SRBD1: variants seen among roughly 807,000 people sequenced by gnomAD.
The protein encoded by SRBD1 is S1 RNA-binding domain-containing protein 1.
In SRBD1, 88 loss-of-function variants were observed where a neutral mutation model predicts 115.3. The ratio of observed to expected loss-of-function variants is 0.76; its 90% confidence interval spans 0.64 to 0.91. The LOEUF is 0.91. SRBD1 is among the 40% of genes least tolerant of loss of function. The pLI, the probability that SRBD1 is intolerant of heterozygous loss-of-function variation, is 0.00. For missense variants in SRBD1, 1,385 were observed against 1,177.4 expected, an observed-to-expected ratio of 1.18 and a Z score of -2.58; for synonymous variants, 509 against 407.7, an observed-to-expected ratio of 1.25 and a Z score of -2.99.
chr2:45,402,485 T>C (rs1167987894), intron 19 of SRBD1, among the ~76,000 whole-genome samples: 3 of 152,172 alleles, frequency 2.0e-5, no homozygotes, highest in Non-Finnish European at 2.9e-5. Context: ...CAGGTATTGA[T>C]ACAAATCATT....
intron 16 of SRBD1, among the ~76,000 whole-genome samples, chr2:45,433,780 A>T (rs1668408985): frequency 1.3e-5 from 2 of 152,266 alleles, no homozygotes; most frequent in Non-Finnish European, 2.9e-5. Context: ...AGACAAGTAC[A>T]TAGAACAAAT....
At chr2:45,421,510 C>CAAAAAAAAAAAAAAAAAAAAAAAA (rs869298079) in intron 16 of SRBD1, among the ~76,000 whole-genome samples, 1 of 22,292 alleles carries the variant, frequency 4.5e-5, no homozygotes, top group Non-Finnish European at 7.5e-5. Context: ...CCGTCTCAAA[C>CAAAAAAAAAAAAAAAAAAAAAAAA]AAAAAAAAAA....
chr2:45,463,024 G>T (rs751585790), intron 16 of SRBD1, among the ~76,000 whole-genome samples: 3 of 136,728 alleles, frequency 2.2e-5, no homozygotes, highest in South Asian at 2.4e-4. Context: ...ACCCGGGGGG[G>T]GGGGGGGAAA....
At chr2:45,552,243 C>T (rs1354088635) in intron 11 of SRBD1, among the ~76,000 whole-genome samples, 1 of 152,190 alleles carries the variant, frequency 6.6e-6, no homozygotes, top group African/African-American at 2.4e-5. Flanking sequence ...GTGTCCTCCT[C>T]TTTAACTGCT....
intron 4 of SRBD1, among the ~76,000 whole-genome samples, chr2:45,598,922 C>T (rs1673994122): frequency 6.6e-6 from 1 of 152,080 alleles, no homozygotes; most frequent in Non-Finnish European, 1.5e-5. Context: ...GTCCCCAAAG[C>T]CAGCCAAAAA....
chr2:45,392,950 C>T lies in SRBD1; in HGVS notation c.2693G>A (p.Arg898Gln), dbSNP rs1445449070. The T allele has an allele frequency of 1.2e-6, 2 of 1,601,514 alleles. No individual in the cohort carries two copies. Among genetic ancestry groups the T allele is most frequent in the African/African-American group, 1.3e-5 (1 of 74,374 alleles). The part of the protein sequence containing the change: ...GLSQPESFDF[R>Q]TDFDKPDFKR... ...ATTCAAGTTCAACTGTTTACCTGTT[C>T]GAAAGTCAAAGCTTTCAGGCTGGCT... Residue 898 changes from arginine to glutamine, a missense_variant, in exon 20 of 21, where the codon CGA becomes CAA. Transcript: ENST00000263736.
chr2:45,419,801 C>T lies in SRBD1; in HGVS notation c.2143G>A (p.Glu715Lys). 6.2e-7 allele frequency: 1 copy of T among 1,613,714 alleles called. No homozygotes were observed. Residue 715 changes from glutamate to lysine, a missense_variant, in exon 17 of 21, where the codon GAA becomes AAA. Physicochemically the swap from Glu to Lys is moderately conservative, Grantham distance 56 (BLOSUM62 1). Coordinates refer to ENST00000263736, the MANE Select transcript of SRBD1 (RefSeq NM_018079.5). ...TATTTGTCTCACCTTAACAAAACTT[C>T]TGAACAGATGTTAATATCCACTCCC... Reference protein sequence around the residue: ...FVGVDINICSEVLLRHIAGLN... With the variant: ...FVGVDINICSKVLLRHIAGLN...
chr2:45,453,268 G>GAAA (rs534496837), intron 16 of SRBD1, among the ~76,000 whole-genome samples: 109 of 127,420 alleles, frequency 8.6e-4, no homozygotes, highest in Middle Eastern at 4.4e-3. Context: ...CTGCTATAAG[G>GAAA]AAAAAAAAAA....
chr2:45,576,265 G>A (rs566174871), intron 7 of SRBD1, among the ~76,000 whole-genome samples: 4 of 151,692 alleles, frequency 2.6e-5, no homozygotes, highest in South Asian at 2.1e-4. Context: ...CTTTTTTCTA[G>A]CTTACCTTAT....
At chr2:45,568,915 A>T (rs1476531709) in intron 9 of SRBD1, among the ~76,000 whole-genome samples, 1 of 152,250 alleles carries the variant, frequency 6.6e-6, no homozygotes, top group Non-Finnish European at 1.5e-5. Flanking sequence ...ATTTCACTGT[A>T]CTTTCTTTCA....
chr2:45,524,862 A>G (rs1671393909), intron 14 of SRBD1, among the ~76,000 whole-genome samples: 1 of 152,056 alleles, frequency 6.6e-6, no homozygotes, highest in South Asian at 2.1e-4. Flanking sequence ...AACAAAGTAG[A>G]AGACTCATAT....
chr2:45,581,870 C>G (rs1457231892), intron 5 of SRBD1, 60 bp from the exon 6 acceptor site: 7 of 1,326,774 alleles, frequency 5.3e-6, no homozygotes, highest in African/African-American at 1.5e-5. Flanking sequence ...CTTTTCAAAG[C>G]TACCTCAAAC....
chr2:45,479,413 A>G (rs777728653), intron 15 of SRBD1, among the ~76,000 whole-genome samples: 28 of 152,232 alleles, frequency 1.8e-4, no homozygotes, highest in Non-Finnish European at 3.8e-4. Flanking sequence ...GAAGGAAATT[A>G]AAAGTGTGAC....
chr2:45,392,866 T>G lies in SRBD1; in HGVS notation c.2698+79A>C, dbSNP rs916265667. 3.1e-6 allele frequency: 4 copies of G among 1,298,646 alleles called. No individual in the cohort carries two copies. The African/African-American group carries it at 4.5e-5, about 15-fold the overall frequency. The allele number at this position is 1,298,646 out of a possible 1,614,324, so 80.4% of individuals were successfully genotyped here. A position where few individuals can be genotyped will look rare whatever the true frequency, so the allele number is the denominator to read the frequency against. On this transcript the variant is annotated intron_variant, in intron 20 of 20. Coordinates refer to ENST00000263736, the MANE Select transcript of SRBD1 (RefSeq NM_018079.5). ...AATAATATCCATTCTGCTTATGGCA[T>G]AGGATTGCTGTGAGGATCAAAGGAG... is the stretch of plus-strand genomic sequence containing the variant.
intron 4 of SRBD1, among the ~76,000 whole-genome samples, chr2:45,598,057 C>A (rs959730842): frequency 3.3e-5 from 5 of 152,196 alleles, no homozygotes; most frequent in African/African-American, 1.2e-4. Context: ...GTCCACCTGC[C>A]TCTGTAGGCC....
chr2:45,433,965 G>A (rs1316894334), intron 16 of SRBD1, among the ~76,000 whole-genome samples: 1 of 152,166 alleles, frequency 6.6e-6, no homozygotes, highest in Non-Finnish European at 1.5e-5. Flanking sequence ...GCACTGGAAG[G>A]ATTTTTTCCA....
intron 18 of SRBD1, among the ~76,000 whole-genome samples, chr2:45,415,687 GGGAGAGGAGAGGAGA>G (rs1444810462): frequency 5.4e-4 from 2 of 3,724 alleles, no homozygotes; most frequent in African/African-American, 1.6e-3. Flanking sequence ...GGGAGGGGAC[GGGAGAGGAGAGGAGA>G]GGAGAGGAGA....
chr2:45,599,535 T>C lies in SRBD1; in HGVS notation c.562A>G (p.Thr188Ala). 1 of 1,614,216 alleles carries C rather than the reference T, an allele frequency of 6.2e-7. No individual in the cohort carries two copies. The highest frequency in any genetic ancestry group is 8.5e-7 in the Non-Finnish European group (1 of 1,180,038). The change falls in exon 4 of 21, where the codon ACA becomes GCA. Residue 188 changes from threonine to alanine, a missense_variant. Coordinates refer to ENST00000263736, the MANE Select transcript of SRBD1 (RefSeq NM_018079.5). The part of the protein sequence containing the change: ...QSALKKIKTE[T>A]YPQGQPVKFP... ...TTGACAGGCTGCCCCTGAGGATATG[T>C]CTCAGTCTTGATTTTCTTTAAAGCG...
chr2:45,608,851 T>A (rs1413057583), intron 1 of SRBD1, among the ~76,000 whole-genome samples: 6 of 150,840 alleles, frequency 4.0e-5, no homozygotes, highest in Admixed American at 4.0e-4. Flanking sequence ...ACGGTCTCAC[T>A]CTGTCACCCA....
Sources: gnomAD v4.1 joint callset for allele counts (sites outside exome capture counted in the v4.1 genomes callset) on GRCh38, gnomAD v4.1.1 for gene constraint, MANE v1.5 for transcripts, NCBI Gene and HGNC (gene_info 2026-07-23, HGNC 2026-07-21) for gene names.